The following ATP10B variants were observed in gnomAD, a reference collection of about 807,000 sequenced individuals.
The protein encoded by ATP10B is ATPase phospholipid transporting 10B (putative), also known as phospholipid-transporting ATPase VB.
ATP10B carries 122 observed loss-of-function variants against 141.2 expected under a neutral mutation model. That is an observed-to-expected ratio of 0.86 (90% CI 0.75 to 1.00). The LOEUF (loss-of-function observed/expected upper bound fraction) is 1.00. Among genes scored for constraint, ATP10B ranks in the 50% least tolerant of loss-of-function variants. The pLI, the probability that ATP10B is intolerant of heterozygous loss-of-function variation, is 0.00. For synonymous variants in ATP10B, 685 were observed against 692.0 expected (o/e 0.99, Z 0.16); for missense variants, 1,876 against 1,825.3 (o/e 1.03, Z -0.51).
intron 1 of ATP10B, among the ~76,000 whole-genome samples, chr5:160,802,910 CA>C (rs929195625): frequency 6.6e-6 from 1 of 152,068 alleles, no homozygotes; most frequent in African/African-American, 2.4e-5. Flanking sequence ...CCCCCATCCC[CA>C]TTCCAGAAAA....
intron 1 of ATP10B, among the ~76,000 whole-genome samples, chr5:160,789,745 G>A (rs1771432735): frequency 6.6e-6 from 1 of 152,164 alleles, no homozygotes; most frequent in Non-Finnish European, 1.5e-5. Context: ...CACATTGGCA[G>A]AATAGATAGT....
At chr5:160,644,949 C>G (rs574960747) in intron 8 of ATP10B, among the ~76,000 whole-genome samples, 1 of 152,120 alleles carries the variant, frequency 6.6e-6, no homozygotes, top group South Asian at 2.1e-4. Flanking sequence ...AACCCCGTCT[C>G]TACTAAAAAT....
intron 24 of ATP10B, among the ~76,000 whole-genome samples, chr5:160,588,118 G>A (rs1307692495): frequency 6.6e-6 from 1 of 152,142 alleles, no homozygotes; most frequent in Non-Finnish European, 1.5e-5. Context: ...AAAGCACTAG[G>A]ATTACAGGTG....
At chr5:160,866,418 C>T in the ATP10B span, among the ~76,000 whole-genome samples, 52 of 152,136 alleles carry the variant, frequency 3.4e-4, no homozygotes, top group Middle Eastern at 3.4e-3. Context: ...TCATGCTTAT[C>T]ATCACAGTAT....
chr5:160,632,436 C>G, intron 12 of ATP10B, 69 bp from the exon 13 acceptor site: 1 of 1,461,640 alleles, frequency 6.8e-7, no homozygotes, highest in Non-Finnish European at 9.5e-7. Context: ...AAAACCTAGA[C>G]TTTGTGTGGG....
chr5:160,683,469 C>G lies in ATP10B; in HGVS notation c.470+2610G>C, dbSNP rs531043896. 3.3e-5 allele frequency among the ~76,000 whole-genome samples: 5 copies of G among 152,228 alleles called. No individual in the cohort carries two copies. The South Asian group carries it at 1.0e-3, about 32-fold the overall frequency. On this transcript the variant is annotated intron_variant, in intron 6 of 25. Transcript: ENST00000327245. ...ACAATTTTCCAAGTGGAGTTTGACT[C>G]ATAAATCCTTTCAGCAGCCAGCTCT...
chr5:160,837,193 C>T (rs1191290448), intron 1 of ATP10B, among the ~76,000 whole-genome samples: 2 of 151,950 alleles, frequency 1.3e-5, no homozygotes, highest in African/African-American at 2.4e-5. Flanking sequence ...CTTTTTTTCC[C>T]AACTAGAAAG....
chr5:160,706,187 A>T (rs1765000927), intron 3 of ATP10B, among the ~76,000 whole-genome samples: 1 of 152,236 alleles, frequency 6.6e-6, no homozygotes. Flanking sequence ...ATAAATGACA[A>T]GGTTTAAAAT....
intron 6 of ATP10B, among the ~76,000 whole-genome samples, chr5:160,679,291 G>T (rs1763229578): frequency 6.6e-6 from 1 of 152,186 alleles, no homozygotes; most frequent in African/African-American, 2.4e-5. Context: ...GAAGACAGAT[G>T]CTCCAAGTCT....
the ATP10B span, among the ~76,000 whole-genome samples, chr5:160,904,013 G>T: frequency 1.3e-5 from 2 of 152,124 alleles, no homozygotes; most frequent in Non-Finnish European, 2.9e-5. Context: ...TACTGATGGC[G>T]TCAGCAGTAA....
At chr5:160,588,843 G>T (rs1407361408) in intron 24 of ATP10B, among the ~76,000 whole-genome samples, 1 of 152,150 alleles carries the variant, frequency 6.6e-6, no homozygotes, top group Non-Finnish European at 1.5e-5. Flanking sequence ...AGGTGACATT[G>T]CCTTCTTAGA....
the ATP10B span, among the ~76,000 whole-genome samples, chr5:160,888,441 T>C: frequency 6.6e-6 from 1 of 152,238 alleles, no homozygotes; most frequent in African/African-American, 2.4e-5. Context: ...AGTCTCTCGA[T>C]GTCTAGGCGG....
intron 1 of ATP10B, among the ~76,000 whole-genome samples, chr5:160,833,922 A>C (rs1775264716): frequency 6.6e-6 from 1 of 152,124 alleles, no homozygotes; most frequent in Non-Finnish European, 1.5e-5. Context: ...TTATGGGAAA[A>C]CTTTGTTATG....
chr5:160,862,136 C>A, the ATP10B span, among the ~76,000 whole-genome samples: 17 of 151,952 alleles, frequency 1.1e-4, no homozygotes, highest in African/African-American at 3.9e-4. Context: ...TTTTCTGTGT[C>A]AACTTAGCTA....
chr5:160,759,677 T>G (rs1000583048), intron 2 of ATP10B, among the ~76,000 whole-genome samples: 1 of 152,146 alleles, frequency 6.6e-6, no homozygotes. Flanking sequence ...CCAAGGAATA[T>G]CCATAGGTCT....
At chr5:160,762,185 T>C (rs965451195) in intron 2 of ATP10B, among the ~76,000 whole-genome samples, 1 of 152,312 alleles carries the variant, frequency 6.6e-6, no homozygotes. Context: ...TTGCTGGAGA[T>C]CTAGACATCC....
rs763792262 is a variant in ATP10B, at chr5:160,686,288, G to A, written c.276-15C>T. 1.0e-5 allele frequency: 16 copies of A among 1,553,992 alleles called. No individual in the cohort carries two copies. The highest frequency in any genetic ancestry group is 1.8e-5 in the Admixed American group (1 of 54,138). ...GGTTAGCCCATCTGGAGGGGCAAGC[G>A]AAGTGTGAATAAACACTATGGAGAA... On this transcript the variant is annotated splice_polypyrimidine_tract_variant and intron_variant, in intron 5 of 25. Transcript: ENST00000327245.
chr5:160,696,343 A>G (rs552576693), intron 3 of ATP10B, among the ~76,000 whole-genome samples: 31 of 152,166 alleles, frequency 2.0e-4, no homozygotes, highest in Admixed American at 1.5e-3. Context: ...TCCTGACCTC[A>G]GGTGATCCAC....
chr5:160,833,034 A>G (rs1775198105), intron 1 of ATP10B, among the ~76,000 whole-genome samples: 1 of 152,180 alleles, frequency 6.6e-6, no homozygotes, highest in African/African-American at 2.4e-5. Flanking sequence ...AGGGAATCAG[A>G]GAGAGATTTT....
Sources: gnomAD v4.1 joint callset for allele counts (sites outside exome capture counted in the v4.1 genomes callset) on GRCh38, gnomAD v4.1.1 for gene constraint, MANE v1.5 for transcripts, NCBI Gene and HGNC (gene_info 2026-07-23, HGNC 2026-07-21) for gene names.